ARHGEF17: variants seen among roughly 807,000 people sequenced by gnomAD.
The protein encoded by ARHGEF17 is 164 kDa Rho-specific guanine-nucleotide exchange factor.
ARHGEF17 carries 80 observed loss-of-function variants against 174.0 expected under a neutral mutation model. That is an observed-to-expected ratio of 0.46 (90% CI 0.38 to 0.55). The LOEUF is 0.55. ARHGEF17 is among the 20% of genes least tolerant of loss of function. The probability of loss-of-function intolerance (pLI) is 0.00; values close to 1 mark genes in which losing one functional copy is unlikely to be tolerated. For missense variants in ARHGEF17, 2,886 were observed against 2,839.7 expected (o/e 1.02, Z -0.37); for synonymous variants, 1,311 against 1,189.1 (o/e 1.10, Z -2.11).
At chr11:73,320,363 C>T (rs1427306508) in intron 1 of ARHGEF17, among the ~76,000 whole-genome samples, 2 of 151,856 alleles carry the variant, frequency 1.3e-5, no homozygotes, top group African/African-American at 4.8e-5. Context: ...CGGCCGGGCG[C>T]TGTGTCTCAT....
rs200229735 is a variant in ARHGEF17 at position 73,311,012 on chromosome 11, G to A, written c.2374G>A (p.Glu792Lys). 28 of 1,614,100 alleles carry A rather than the reference G, an allele frequency of 1.7e-5. No individual in the cohort carries two copies. The highest frequency in any genetic ancestry group is 1.1e-5 in the South Asian group (1 of 91,090). Reference protein sequence around the residue: ...GHSDWSVGSEESKGYQEVIQS... With the variant: ...GHSDWSVGSEKSKGYQEVIQS... Reference sequence around the variant, plus strand: ...CAGTGACTGGTCTGTGGGCAGTGAAGAGAGCAAGGGATATCAGGAGGTTAT... The same window carrying A: ...CAGTGACTGGTCTGTGGGCAGTGAAAAGAGCAAGGGATATCAGGAGGTTAT... The change falls in exon 1 of 21, where the codon GAG becomes AAG. Residue 792 changes from glutamate (E) to lysine (K), a missense_variant. By Grantham distance (56) the Glu-to-Lys change is moderately conservative. Around this residue, in one of 4 missense-constraint regions of ARHGEF17, gnomAD observed 1,728 missense variants for 1,461.2 expected, o/e 1.18. Coordinates refer to ENST00000263674, the MANE Select transcript of ARHGEF17 (RefSeq NM_014786.4).
Position 73,356,107 on chromosome 11 carries a change from CCTG to C in ARHGEF17, c.3664-65_3664-63del, listed in dbSNP as rs1865633216. On this transcript the variant is annotated intron_variant, in intron 5 of 20. Coordinates refer to ENST00000263674, the MANE Select transcript of ARHGEF17 (RefSeq NM_014786.4). ...TCTTTGGTGTCTACCCATAGTCCCT[CCTG>C]CTCCAGCAGTCTGGGGCCCCAGGGG... The C allele has an allele frequency of 4.4e-6, 7 of 1,591,242 alleles. No homozygotes were observed. The East Asian group carries it at 1.6e-4, about 36-fold the overall frequency.
chr11:73,317,823 C>G (rs1449307152), intron 1 of ARHGEF17, among the ~76,000 whole-genome samples: 2 of 152,136 alleles, frequency 1.3e-5, no homozygotes, highest in Admixed American at 6.5e-5. Context: ...GAACCTCAGC[C>G]CATGAGATGC....
intron 1 of ARHGEF17, among the ~76,000 whole-genome samples, chr11:73,320,661 ATTT>A (rs1400325672): frequency 9.1e-6 from 1 of 109,342 alleles, no homozygotes; most frequent in Non-Finnish European, 1.7e-5. Flanking sequence ...GATGATGATG[ATTT>A]TTTTTTTTTT....
In ARHGEF17 at chr11:73,308,843, C is replaced by G. The variant is rs1050716880; in HGVS notation, c.205C>G (p.Pro69Ala). Residue 69 changes from proline (P) to alanine (A), a missense_variant, in exon 1 of 21, where the codon CCC becomes GCC. Physicochemically the swap from Pro to Ala is conservative, Grantham distance 27. Transcript: ENST00000263674. Reference protein sequence around the residue: ...SKLASGPLAAPAQPRPLRSLS... With the variant: ...SKLASGPLAAAAQPRPLRSLS... ...GCTGGCGTCTGGGCCCCTGGCCGCC[C>G]CCGCGCAGCCGCGCCCGCTCCGCAG... is the stretch of plus-strand genomic sequence containing the variant. 1.5e-6 allele frequency: 2 copies of G among 1,339,792 alleles called. No individual in the cohort carries two copies. Among genetic ancestry groups the G allele is most frequent in the African/African-American group, 3.1e-5 (2 of 64,906 alleles). 83.0% of individuals were successfully genotyped at this position (1,339,792 alleles called of 1,614,324 possible).
At position 73,309,541 on chromosome 11, in the gene ARHGEF17, A is replaced by C. The variant is rs950323814; in HGVS notation, c.903A>C (p.Leu301=). 1.3e-6 allele frequency: 2 copies of C among 1,590,976 alleles called. No individual in the cohort carries two copies. Among genetic ancestry groups the C allele is most frequent in the Non-Finnish European group, 1.7e-6 (2 of 1,163,838 alleles). Residue 301 remains leucine (L), a synonymous_variant, in exon 1 of 21, where the codon CTA becomes CTC. Transcript: ENST00000263674. ...GRPGLRPGSS[L]LDQDCRPDSD... is the part of the protein sequence containing the mutation. ...CCGGGCTCAGGCCTGGAAGCTCCCT[A>C]TTGGATCAGGACTGCAGGCCTGACA...
chr11:73,368,020 A>T lies in ARHGEF17; in HGVS notation c.*240A>T. The T allele has an allele frequency of 2.1e-6, 1 of 479,602 alleles. No individual in the cohort carries two copies. Among genetic ancestry groups the T allele is most frequent in the Non-Finnish European group, 3.8e-6 (1 of 265,932 alleles). 29.7% of individuals were successfully genotyped at this position (479,602 alleles called of 1,614,324 possible). A position where few individuals can be genotyped will look rare whatever the true frequency, so the allele number is the denominator to read the frequency against. On this transcript the variant is annotated 3_prime_UTR_variant, in exon 21 of 21. Coordinates refer to ENST00000263674, the MANE Select transcript of ARHGEF17 (RefSeq NM_014786.4). ...TTCCAGTCATGATCGGGTGGGGGAC[A>T]TGTGGGCTGACCAGGACCTCTGACC...
chr11:73,355,644 C>T lies in ARHGEF17; in HGVS notation c.3565C>T (p.Leu1189=). Residue 1189 remains leucine (L), a synonymous_variant, in exon 4 of 21, where the codon CTA becomes TTA. Transcript: ENST00000263674. ...GGCGAGGCCTGCCTTTCTCAAGTTC[C>T]TAGAGGTACTGTGGGCTAGGGCAGG... The part of the protein sequence containing the change: ...KEARPAFLKF[L]EQSMRENKEK... The T allele has an allele frequency of 1.2e-6, 2 of 1,613,642 alleles. No homozygotes were observed. Among genetic ancestry groups the T allele is most frequent in the Non-Finnish European group, 1.7e-6 (2 of 1,179,528 alleles).
chr11:73,341,400 G>A (rs549249973), intron 1 of ARHGEF17, among the ~76,000 whole-genome samples: 4 of 152,052 alleles, frequency 2.6e-5, no homozygotes, highest in Non-Finnish European at 4.4e-5. Context: ...TCCGCCTCCC[G>A]GGTTCAAGCT....
chr11:73,363,224 C>G lies in ARHGEF17; in HGVS notation c.5015C>G (p.Ser1672Cys). The change falls in exon 15 of 21, where the codon TCC becomes TGC. Residue 1672 changes from serine to cysteine, a missense_variant. By Grantham distance (112) the Ser-to-Cys change is moderately radical. Around this residue, in one of 4 missense-constraint regions of ARHGEF17, gnomAD observed 476 missense variants for 473.1 expected, o/e 1.01. Coordinates refer to ENST00000263674, the MANE Select transcript of ARHGEF17 (RefSeq NM_014786.4). The stretch of plus-strand genomic sequence containing the variant: ...CCCTCAGATGAGGAGACCCCGAGTT[C>G]CAAGGAGGCCACGGCAGAGACCACC... ...SSFGNEETPS[S>C]KEATAETTSS... 1 of 1,578,026 alleles carries G rather than the reference C, an allele frequency of 6.3e-7. No homozygotes were observed. The highest frequency in any genetic ancestry group is 1.8e-5 in the Admixed American group (1 of 55,524).
intron 1 of ARHGEF17, among the ~76,000 whole-genome samples, chr11:73,314,634 G>A (rs1436675390): frequency 6.6e-6 from 1 of 152,202 alleles, no homozygotes; most frequent in Non-Finnish European, 1.5e-5. Context: ...ATAGCTGCAT[G>A]AACCCAGGAG....
At chr11:73,360,198 G>A in intron 10 of ARHGEF17, 122 bp from the exon 11 acceptor site, 1 of 1,150,414 alleles carries the variant, frequency 8.7e-7, no homozygotes, top group Non-Finnish European at 1.2e-6. Flanking sequence ...AGGAATCCAG[G>A]TCTGAGGGAG....
Position 73,362,181 on chromosome 11 carries a change from T to C in ARHGEF17, c.4636T>C (p.Cys1546Arg). ...EPDVEACIAV[C>R]SARILCIGAV... ...GGACGTGGAGGCCTGCATCGCCGTC[T>C]GTTCCGCCCGCATCCTCTGCATCGG... is the stretch of plus-strand genomic sequence containing the variant. Residue 1546 changes from cysteine to arginine, a missense_variant, in exon 13 of 21, where the codon TGT becomes CGT. Around this residue, in one of 4 missense-constraint regions of ARHGEF17, gnomAD observed 476 missense variants for 473.1 expected, o/e 1.01. Coordinates refer to ENST00000263674, the MANE Select transcript of ARHGEF17 (RefSeq NM_014786.4). The C allele has an allele frequency of 6.3e-7, 1 of 1,586,778 alleles. No individual in the cohort carries two copies.
At position 73,309,177 on chromosome 11, in the gene ARHGEF17, C is replaced by T. The variant is rs762358995; in HGVS notation, c.539C>T (p.Ala180Val). ...TPPPRTCFPLAGLRSARPLTG... is the reference protein window; with the variant it reads ...TPPPRTCFPLVGLRSARPLTG... ...CCCCCTCGGACATGCTTCCCCCTGGCGGGTCTGCGTTCGGCGCGGCCCCTG... is the reference window on the plus strand; with the variant it reads ...CCCCCTCGGACATGCTTCCCCCTGGTGGGTCTGCGTTCGGCGCGGCCCCTG... The change falls in exon 1 of 21, where the codon GCG (alanine) becomes GTG (valine). Residue 180 changes from alanine (A) to valine (V), a missense_variant. This residue lies in a region of ARHGEF17 where 1,728 missense variants were observed against 1,461.2 expected (regional missense o/e 1.18). Transcript: ENST00000263674. 5.0e-6 allele frequency: 8 copies of T among 1,589,958 alleles called. No individual in the cohort carries two copies. The highest frequency in any genetic ancestry group is 6.8e-6 in the Non-Finnish European group (8 of 1,168,386).
Position 73,368,066 on chromosome 11 carries a change from A to G in ARHGEF17, c.*286A>G, listed in dbSNP as rs1445164267. 3 of 382,638 alleles carry G rather than the reference A, an allele frequency of 7.8e-6. No individual in the cohort carries two copies. The highest frequency in any genetic ancestry group is 2.0e-5 in the African/African-American group (1 of 49,960). The allele number at this position is 382,638 out of a possible 1,614,324, so 23.7% of individuals were successfully genotyped here. On this transcript the variant is annotated 3_prime_UTR_variant, in exon 21 of 21. Transcript: ENST00000263674. ...TGACCCTGGAGCTTCTACCAAAGAC[A>G]CAGCTGGGTCTGGACCCCACGGGGC...
At position 73,368,945 on chromosome 11, in the gene ARHGEF17, T is replaced by G. The variant is rs905448401; in HGVS notation, c.*1165T>G. The G allele has an allele frequency of 2.6e-5, 4 of 152,440 alleles. No homozygotes were observed. Among genetic ancestry groups the G allele is most frequent in the African/African-American group, 9.6e-5 (4 of 41,460 alleles). 9.4% of individuals were successfully genotyped at this position (152,440 alleles called of 1,614,324 possible). On this transcript the variant is annotated 3_prime_UTR_variant, in exon 21 of 21. Transcript: ENST00000263674. The stretch of plus-strand genomic sequence containing the variant: ...GTTTGGTTTCAGATGGGGTTTGTTT[T>G]GTTCTGTTTGGTTTTGGTTTTGTTT...
At chr11:73,347,452 C>G (rs1021595924) in intron 2 of ARHGEF17, among the ~76,000 whole-genome samples, 1 of 152,202 alleles carries the variant, frequency 6.6e-6, no homozygotes, top group Non-Finnish European at 1.5e-5. Flanking sequence ...ACTCTAGAAA[C>G]ATCGAGGGGC....
At chr11:73,323,181 G>A (rs1865043701) in intron 1 of ARHGEF17, among the ~76,000 whole-genome samples, 1 of 152,186 alleles carries the variant, frequency 6.6e-6, no homozygotes. Flanking sequence ...GGCCACACCT[G>A]CAGTCTGGCC....
In ARHGEF17 at chr11:73,369,334, A is replaced by G. The variant is rs1865892887; in HGVS notation, c.*1554A>G. ...TTTGTAACCAGGGTTACATGGTAGA[A>G]TCCCTTGCAGATGACATGTAAATGC... On this transcript the variant is annotated 3_prime_UTR_variant, in exon 21 of 21. Coordinates refer to ENST00000263674, the MANE Select transcript of ARHGEF17 (RefSeq NM_014786.4). 1 of 152,230 alleles carries G rather than the reference A, an allele frequency of 6.6e-6. No individual in the cohort carries two copies. Among genetic ancestry groups the G allele is most frequent in the African/African-American group, 2.4e-5 (1 of 41,454 alleles). The allele number at this position is 152,230 out of a possible 1,614,324, so 9.4% of individuals were successfully genotyped here. A position where few individuals can be genotyped will look rare whatever the true frequency, so the allele number is the denominator to read the frequency against.
Sources: allele counts gnomAD v4.1 joint callset (sites outside exome capture counted in the v4.1 genomes callset), GRCh38; gene constraint gnomAD v4.1.1; regional missense constraint gnomAD v4.1.1; transcripts MANE v1.5; gene names NCBI Gene and HGNC (gene_info 2026-07-23, HGNC 2026-07-21).